ADD3: variants seen among roughly 807,000 people sequenced by gnomAD.
The protein encoded by ADD3 is gamma-adducin.
In ADD3, 25 loss-of-function variants were observed where a neutral mutation model predicts 80.2. The ratio of observed to expected loss-of-function variants is 0.31; its 90% confidence interval spans 0.23 to 0.44. The LOEUF is 0.44. Among genes scored for constraint, ADD3 ranks in the 20% least tolerant of loss-of-function variants. The pLI is 1.00. For missense variants in ADD3, 829 were observed against 847.5 expected, an observed-to-expected ratio of 0.98 and a Z score of 0.27; for synonymous variants, 284 against 289.6, an observed-to-expected ratio of 0.98 and a Z score of 0.20.
At chr10:110,089,434 G>A (rs1847199105) in intron 1 of ADD3, among the ~76,000 whole-genome samples, 2 of 152,022 alleles carry the variant, frequency 1.3e-5, no homozygotes, top group Non-Finnish European at 2.9e-5. Flanking sequence ...CAATCCACTA[G>A]TCTCTGTCAG....
chr10:110,110,313 A>G (rs1372544060), intron 2 of ADD3, among the ~76,000 whole-genome samples: 1 of 152,106 alleles, frequency 6.6e-6, no homozygotes, highest in Non-Finnish European at 1.5e-5. Context: ...GTATCCATGC[A>G]TCTGTATATA....
chr10:110,033,783 C>T (rs1042691162), intron 1 of ADD3, among the ~76,000 whole-genome samples: 13 of 152,100 alleles, frequency 8.5e-5, no homozygotes, highest in Admixed American at 7.2e-4. Context: ...TACTCAGCTG[C>T]CTTTAATTTC....
intron 2 of ADD3, among the ~76,000 whole-genome samples, chr10:110,107,318 A>G (rs7086057): frequency 0.36 from 54,042 of 151,942 alleles, 14,491 homozygotes; most frequent in African/African-American, 0.74. Flanking sequence ...TAGCATTTGT[A>G]ATGTGTTGAA....
upstream of ADD3, among the ~76,000 whole-genome samples, chr10:110,003,484 G>T (rs1851529294): frequency 6.6e-6 from 1 of 150,700 alleles, no homozygotes; most frequent in Non-Finnish European, 1.5e-5. Context: ...ATAGTGCTTT[G>T]AAAAGTTCAA....
Position 110,118,618 on chromosome 10 carries a change from A to C in ADD3, c.599A>C (p.Asp200Ala). ...VKVNIIGEVV[D>A]QGSTNLKIDH... The stretch of plus-strand genomic sequence containing the variant: ...GTCAATATAATAGGAGAAGTGGTTG[A>C]CCAGGGAAGTACCAATTTGAAAATT... Residue 200 changes from aspartate (D) to alanine (A), a missense_variant, in exon 6 of 15, where the codon GAC becomes GCC. Coordinates refer to ENST00000356080, the MANE Select transcript of ADD3 (RefSeq NM_016824.5). 6.2e-7 allele frequency: 1 copy of C among 1,614,046 alleles called. No individual in the cohort carries two copies. The highest frequency in any genetic ancestry group is 8.5e-7 in the Non-Finnish European group (1 of 1,179,894).
intron 1 of ADD3, among the ~76,000 whole-genome samples, chr10:110,085,903 C>T (rs1189399838): frequency 1.3e-5 from 2 of 151,224 alleles, no homozygotes; most frequent in African/African-American, 4.9e-5. Flanking sequence ...GTCGGGAGTT[C>T]GAGTCCAGCC....
At chr10:110,093,736 A>G (rs1328146119) in intron 1 of ADD3, among the ~76,000 whole-genome samples, 2 of 152,136 alleles carry the variant, frequency 1.3e-5, no homozygotes, top group Non-Finnish European at 2.9e-5. Context: ...TCATCTGCCC[A>G]TCTCCTAATA....
chr10:110,078,065 T>G (rs921803681), intron 1 of ADD3, among the ~76,000 whole-genome samples: 4 of 152,232 alleles, frequency 2.6e-5, no homozygotes, highest in Admixed American at 2.6e-4. Flanking sequence ...TGACATTGTG[T>G]CATCCTTTTT....
At chr10:110,066,917 CTT>C (rs1844029080) in intron 1 of ADD3, among the ~76,000 whole-genome samples, 1 of 152,160 alleles carries the variant, frequency 6.6e-6, no homozygotes, top group African/African-American at 2.4e-5. Context: ...TTAGATCCCT[CTT>C]TTGCACTCTA....
intron 1 of ADD3, among the ~76,000 whole-genome samples, chr10:110,038,256 G>C (rs879500607): frequency 1.3e-5 from 2 of 151,808 alleles, no homozygotes; most frequent in Non-Finnish European, 2.9e-5. Context: ...TGGACTAGGT[G>C]GGGGTAGAAG....
intron 1 of ADD3, among the ~76,000 whole-genome samples, chr10:110,017,612 C>G (rs1291412782): frequency 3.3e-5 from 5 of 151,960 alleles, no homozygotes; most frequent in Admixed American, 3.3e-4. Context: ...TAGTTTGCTT[C>G]CTTCTAAATA....
At chr10:110,112,447 G>C (rs927299295) in intron 2 of ADD3, 1 of 191,242 alleles carries the variant, frequency 5.2e-6, no homozygotes, top group Non-Finnish European at 1.1e-5. Flanking sequence ...TAAGCAAGGA[G>C]TGGGTCACCT....
chr10:110,002,117 C>A (rs558502781), upstream of ADD3, among the ~76,000 whole-genome samples: 1 of 152,118 alleles, frequency 6.6e-6, no homozygotes, highest in African/African-American at 2.4e-5. Context: ...CATGGTGAAA[C>A]CTCGTTTCTA....
intron 1 of ADD3, among the ~76,000 whole-genome samples, chr10:110,019,430 C>A (rs188291561): frequency 2.0e-5 from 3 of 151,706 alleles, no homozygotes; most frequent in Admixed American, 2.0e-4. Context: ...TCTCGGCTCA[C>A]TGCAACCTCC....
intron 2 of ADD3, 75 bp downstream of exon 2, chr10:110,100,923 A>G (rs1403384672): frequency 1.5e-6 from 2 of 1,367,718 alleles, no homozygotes; most frequent in Non-Finnish European, 1.9e-6. Flanking sequence ...AGTTTTCTCA[A>G]ACTACCCTCA....
intron 1 of ADD3, among the ~76,000 whole-genome samples, chr10:110,029,137 C>G (rs1308931131): frequency 6.6e-6 from 1 of 152,224 alleles, no homozygotes; most frequent in Non-Finnish European, 1.5e-5. Flanking sequence ...CCTCGGCCTC[C>G]CAAAGTGCTG....
At chr10:110,104,746 A>G (rs1217012645) in intron 2 of ADD3, among the ~76,000 whole-genome samples, 2 of 152,212 alleles carry the variant, frequency 1.3e-5, no homozygotes, top group African/African-American at 4.8e-5. Flanking sequence ...AGCACCTATT[A>G]TGCATCTTTA....
chr10:110,014,495 T>C (rs1852695264), intron 1 of ADD3, among the ~76,000 whole-genome samples: 1 of 152,162 alleles, frequency 6.6e-6, no homozygotes, highest in African/African-American at 2.4e-5. Flanking sequence ...ACAGTGTACC[T>C]CTTACCTTGC....
At chr10:110,012,198 T>C (rs1852416147) in intron 1 of ADD3, among the ~76,000 whole-genome samples, 2 of 152,182 alleles carry the variant, frequency 1.3e-5, no homozygotes, top group African/African-American at 4.8e-5. Flanking sequence ...GTACCAACAG[T>C]ATGCATAGAG....
Sources: gnomAD v4.1 joint callset for allele counts (sites outside exome capture counted in the v4.1 genomes callset) on GRCh38, gnomAD v4.1.1 for gene constraint, MANE v1.5 for transcripts, NCBI Gene and HGNC (gene_info 2026-07-23, HGNC 2026-07-21) for gene names.